MAN2A1: variants seen among roughly 807,000 people sequenced by gnomAD.
The protein encoded by MAN2A1 is mannosidase alpha class 2A member 1.
A neutral mutation model predicts 142.6 loss-of-function variants in MAN2A1; 76 were observed. The observed-to-expected ratio is 0.53, with a 90% CI of 0.44 to 0.65. The LOEUF (loss-of-function observed/expected upper bound fraction) is 0.65, where lower values mean the gene tolerates loss of function less well. Ranked by LOEUF, MAN2A1 falls within the 30% of genes least tolerant of loss-of-function variation. MAN2A1 has a pLI of 0.00. For synonymous variants in MAN2A1, 559 were observed against 473.2 expected, an observed-to-expected ratio of 1.18 and a Z score of -2.35; for missense variants, 1,311 against 1,365.1, an observed-to-expected ratio of 0.96 and a Z score of 0.62.
chr5:109,776,889 G>A (rs376257126), intron 8 of MAN2A1, among the ~76,000 whole-genome samples: 2 of 152,096 alleles, frequency 1.3e-5, no homozygotes, highest in Non-Finnish European at 2.9e-5. Context: ...TTATGTTTGC[G>A]AGAGTCATCC....
At chr5:109,775,158 T>A (rs1753249660) in intron 8 of MAN2A1, among the ~76,000 whole-genome samples, 193 bp downstream of exon 8, 1 of 152,186 alleles carries the variant, frequency 6.6e-6, no homozygotes, top group South Asian at 2.1e-4. Flanking sequence ...GTTGTCCCGT[T>A]CCTAACACTC....
At chr5:109,820,647 A>G (rs1384323922) in intron 15 of MAN2A1, among the ~76,000 whole-genome samples, 3 of 152,094 alleles carry the variant, frequency 2.0e-5, no homozygotes, top group Admixed American at 6.5e-5. Flanking sequence ...CTTTTCTACA[A>G]AAAATACAAA....
intron 19 of MAN2A1, among the ~76,000 whole-genome samples, chr5:109,848,083 A>G (rs752472171): frequency 6.6e-6 from 1 of 152,244 alleles, no homozygotes; most frequent in Non-Finnish European, 1.5e-5. Context: ...TAAGAATTGA[A>G]AAATTGAGCT....
Position 109,755,356 on chromosome 5 carries a change from T to A in MAN2A1, c.735T>A (p.Ile245=). 6.2e-7 allele frequency: 1 copy of A among 1,612,768 alleles called. No homozygotes were observed. Among genetic ancestry groups the A allele is most frequent in the Admixed American group, 1.7e-5 (1 of 60,006 alleles). The change falls in exon 5 of 22, where the codon ATT becomes ATA. Residue 245 remains isoleucine, a synonymous_variant. Transcript: ENST00000261483. ...TAATAGAAAATGGTCAGCTTGAAAT[T>A]GTGACAGGTGGCTGGGTTATGCCTG... ...KSLIENGQLE[I]VTGGWVMPDE...
chr5:109,700,977 G>C lies in MAN2A1; in HGVS notation c.135+10425G>C, dbSNP rs114909706. ...TTGTGAAACTATTAGAGCCAGTTAA[G>C]TGCTATTATTCATTAGAAGTTAAAG... On this transcript the variant is annotated intron_variant, in intron 1 of 21. Transcript: ENST00000261483. Among the ~76,000 whole-genome samples, 960 of 152,352 alleles carry C rather than the reference G, an allele frequency of 6.3e-3. 5 individuals carry two copies. Among genetic ancestry groups the C allele is most frequent in the Non-Finnish European group, 9.6e-3 (654 of 68,038 alleles).
intron 5 of MAN2A1, among the ~76,000 whole-genome samples, chr5:109,763,409 A>G (rs1390941360): frequency 6.6e-6 from 1 of 152,056 alleles, no homozygotes; most frequent in Non-Finnish European, 1.5e-5. Flanking sequence ...TAAGGAACAT[A>G]TCTGAGGATA....
intron 15 of MAN2A1, among the ~76,000 whole-genome samples, chr5:109,821,332 C>CT (rs1476334319): frequency 3.9e-5 from 6 of 152,050 alleles, no homozygotes; most frequent in Non-Finnish European, 7.4e-5. Context: ...TGCTTATATT[C>CT]TTTTTCTCCC....
intron 20 of MAN2A1, among the ~76,000 whole-genome samples, chr5:109,858,972 A>C (rs1755691197): frequency 6.7e-6 from 1 of 150,140 alleles, no homozygotes; most frequent in Non-Finnish European, 1.5e-5. Context: ...CGGATCACAC[A>C]GGGGAGATTT....
At position 109,781,583 on chromosome 5, in the gene MAN2A1, T is replaced by C. The variant is rs747805853; in HGVS notation, c.1562T>C (p.Met521Thr). 3.8e-6 allele frequency: 6 copies of C among 1,598,734 alleles called. No homozygotes were observed. The highest frequency in any genetic ancestry group is 1.7e-4 in the Middle Eastern group (1 of 5,982). Residue 521 changes from methionine (M) to threonine (T), a missense_variant, in exon 9 of 22, where the codon ATG (methionine) becomes ACG (threonine). Met to Thr is a moderately conservative substitution (Grantham distance 81). Transcript: ENST00000261483. ...TTTTACAAACGAATGGACAGAATCATGGAATCTCATTTAAGGTACTTTTAC... is the reference window on the plus strand; with the variant it reads ...TTTTACAAACGAATGGACAGAATCACGGAATCTCATTTAAGGTACTTTTAC... Reference protein sequence around the residue: ...RPFYKRMDRIMESHLRAAEIL... With the variant: ...RPFYKRMDRITESHLRAAEIL...
intron 15 of MAN2A1, among the ~76,000 whole-genome samples, chr5:109,822,537 G>A (rs771792836): frequency 8.6e-5 from 13 of 152,046 alleles, no homozygotes; most frequent in Non-Finnish European, 1.9e-4. Context: ...ATCATCCCAG[G>A]TTCTCATCCC....
intron 12 of MAN2A1, among the ~76,000 whole-genome samples, chr5:109,807,654 T>C (rs1200543443): frequency 1.3e-5 from 2 of 152,138 alleles, no homozygotes; most frequent in Non-Finnish European, 2.9e-5. Context: ...TGTAAATACA[T>C]TGGGCCCACC....
intron 1 of MAN2A1, among the ~76,000 whole-genome samples, chr5:109,695,107 G>A (rs2112536491): frequency 6.6e-6 from 1 of 152,302 alleles, no homozygotes. Context: ...AGCCCTGTGG[G>A]TCTCTTCCTG....
chr5:109,781,549 T>C lies in MAN2A1; in HGVS notation c.1528T>C (p.Ser510Pro), dbSNP rs780710373. The stretch of plus-strand genomic sequence containing the variant: ...TCATTACTGGAGTGGCTATTTTACA[T>C]CCAGACCCTTTTACAAACGAATGGA... ...DDHYWSGYFT[S>P]RPFYKRMDRI... is the part of the protein sequence containing the mutation. Residue 510 changes from serine (S) to proline (P), a missense_variant, in exon 9 of 22, where the codon TCC becomes CCC. Ser to Pro is a moderately conservative substitution (Grantham distance 74, BLOSUM62 -1). This residue lies in a region of MAN2A1 where 890 missense variants were observed against 920.5 expected (regional missense o/e 0.97). Transcript: ENST00000261483. 1 of 1,611,926 alleles carries C rather than the reference T, an allele frequency of 6.2e-7. No homozygotes were observed. Among genetic ancestry groups the C allele is most frequent in the South Asian group, 1.1e-5 (1 of 90,380 alleles).
intron 5 of MAN2A1, among the ~76,000 whole-genome samples, chr5:109,761,575 T>G (rs1349736245): frequency 1.3e-5 from 2 of 152,092 alleles, no homozygotes; most frequent in Admixed American, 6.5e-5. Flanking sequence ...CTATTGAATT[T>G]AATTTATTTA....
chr5:109,723,527 T>C (rs1210568473), intron 3 of MAN2A1, among the ~76,000 whole-genome samples: 1 of 152,122 alleles, frequency 6.6e-6, no homozygotes, highest in Non-Finnish European at 1.5e-5. Context: ...CCATAACCAT[T>C]TTTTACAGAA....
chr5:109,833,845 G>T (rs527956758), intron 16 of MAN2A1, among the ~76,000 whole-genome samples: 38 of 152,292 alleles, frequency 2.5e-4, no homozygotes, highest in Non-Finnish European at 5.1e-4. Flanking sequence ...TCTACTGCCT[G>T]ACAACCTGAT....
chr5:109,741,804 A>C (rs1210442512), intron 4 of MAN2A1, among the ~76,000 whole-genome samples: 1 of 152,196 alleles, frequency 6.6e-6, no homozygotes, highest in Admixed American at 6.5e-5. Context: ...CGTAAACAAC[A>C]TCTATATTTT....
In MAN2A1 at chr5:109,807,123, C is replaced by T. The variant is rs531286176; in HGVS notation, c.1944-10150C>T. On this transcript the variant is annotated intron_variant, in intron 12 of 21. Coordinates refer to ENST00000261483, the MANE Select transcript of MAN2A1 (RefSeq NM_002372.4). ...AGAAACCATCATTTAAAATTTTTCC[C>T]TTGTGAATACAGGAGAGAGGGCAAA... Among the ~76,000 whole-genome samples the T allele has an allele frequency of 2.0e-5, 3 of 152,134 alleles. No individual in the cohort carries two copies. The East Asian group carries it at 5.8e-4, about 29-fold the overall frequency.
intron 19 of MAN2A1, among the ~76,000 whole-genome samples, chr5:109,853,267 G>C (rs1236444559): frequency 6.6e-6 from 1 of 152,110 alleles, no homozygotes; most frequent in African/African-American, 2.4e-5. Context: ...GGAGCAGTGT[G>C]CGGCTAACTC....
Sources: gnomAD v4.1 joint callset for allele counts (sites outside exome capture counted in the v4.1 genomes callset) on GRCh38, gnomAD v4.1.1 for gene constraint, gnomAD v4.1.1 regional missense constraint, MANE v1.5 for transcripts, NCBI Gene and HGNC (gene_info 2026-07-23, HGNC 2026-07-21) for gene names.